ZDHHC20: variants seen among roughly 807,000 people sequenced by gnomAD.
ZDHHC20 encodes zDHHC palmitoyltransferase 20, also known as palmitoyltransferase ZDHHC20.
Under a neutral mutation model 57.8 loss-of-function variants are expected in ZDHHC20, and 43 were observed. That is an observed-to-expected ratio of 0.74 (90% CI 0.58 to 0.96). The LOEUF is 0.96. Ranked by LOEUF, ZDHHC20 falls within the 40% of genes least tolerant of loss-of-function variation. The probability of loss-of-function intolerance (pLI) is 0.00; values close to 1 mark genes in which losing one functional copy is unlikely to be tolerated. For synonymous variants in ZDHHC20, 157 were observed against 153.0 expected (o/e 1.03, Z -0.19); for missense variants, 391 against 441.1 (o/e 0.89, Z 1.02).
intron 4 of ZDHHC20, among the ~76,000 whole-genome samples, chr13:21,406,151 A>C (rs1228543966): frequency 2.0e-5 from 3 of 152,208 alleles, no homozygotes; most frequent in Admixed American, 2.0e-4. Flanking sequence ...CTGCTGCCAT[A>C]TATCAAATAC....
At chr13:21,387,407 A>G (rs1874740317) in intron 9 of ZDHHC20, 101 bp downstream of exon 9, 1 of 897,470 alleles carries the variant, frequency 1.1e-6, no homozygotes, top group Non-Finnish European at 1.5e-6. Flanking sequence ...GTCTGTGAGA[A>G]TATCATTATA....
intron 1 of ZDHHC20, among the ~76,000 whole-genome samples, chr13:21,443,622 C>A (rs147103985): frequency 2.0e-5 from 3 of 152,192 alleles, no homozygotes; most frequent in African/African-American, 7.2e-5. Flanking sequence ...ACTAAGTCAA[C>A]TTCTCAAGTT....
chr13:21,435,807 T>A (rs1227679314), intron 1 of ZDHHC20, among the ~76,000 whole-genome samples: 4 of 152,146 alleles, frequency 2.6e-5, no homozygotes, highest in African/African-American at 9.7e-5. Flanking sequence ...TGTCTCCCAA[T>A]AAGAAATGAC....
chr13:21,447,564 G>A (rs1398170674), intron 1 of ZDHHC20, among the ~76,000 whole-genome samples: 1 of 146,810 alleles, frequency 6.8e-6, no homozygotes, highest in Non-Finnish European at 1.5e-5. Flanking sequence ...GATTGCAGAG[G>A]GAGTCTCGTT....
At chr13:21,396,260 G>GAATAATAACAAAACCTACATTGTAAT (rs1230984210) in intron 7 of ZDHHC20, among the ~76,000 whole-genome samples, 1 of 152,104 alleles carries the variant, frequency 6.6e-6, no homozygotes, top group Non-Finnish European at 1.5e-5. Context: ...CACCATACCT[G>GAATAATAACAAAACCTACATTGTAAT]AATAATAACA....
chr13:21,428,732 C>CAT, intron 1 of ZDHHC20, among the ~76,000 whole-genome samples: 1 of 151,564 alleles, frequency 6.6e-6, no homozygotes, highest in East Asian at 2.0e-4. Flanking sequence ...TGGTGGCGTG[C>CAT]GCCTGTAGTC....
intron 1 of ZDHHC20, among the ~76,000 whole-genome samples, chr13:21,442,925 CTGTTTTAATTAT>C (rs1883327531): frequency 6.6e-6 from 1 of 152,110 alleles, no homozygotes; most frequent in Admixed American, 6.6e-5. Context: ...TACATGGATG[CTGTTTTAATTAT>C]TGTTCATGCT....
At chr13:21,391,645 C>A in intron 8 of ZDHHC20, 77 bp downstream of exon 8, 2 of 1,458,258 alleles carry the variant, frequency 1.4e-6, no homozygotes, top group Admixed American at 2.2e-5. Context: ...TATCATCTGA[C>A]CCTTGTTCTT....
chr13:21,393,908 A>AAAAC (rs899944570), intron 7 of ZDHHC20, among the ~76,000 whole-genome samples: 2 of 152,094 alleles, frequency 1.3e-5, no homozygotes, highest in Non-Finnish European at 2.9e-5. Context: ...GCCAATATTG[A>AAAAC]AAACAAACAA....
chr13:21,453,321 A>G (rs1357601890), intron 1 of ZDHHC20, among the ~76,000 whole-genome samples: 1 of 152,228 alleles, frequency 6.6e-6, no homozygotes, highest in Non-Finnish European at 1.5e-5. Context: ...TACGAGGCAA[A>G]AACTGATAGA....
At chr13:21,395,215 A>G (rs1414177240) in intron 7 of ZDHHC20, among the ~76,000 whole-genome samples, 1 of 150,842 alleles carries the variant, frequency 6.6e-6, no homozygotes, top group African/African-American at 2.4e-5. Context: ...TACAGGCGCC[A>G]GCTACCAGGC....
At chr13:21,391,288 A>G (rs925947177) in intron 8 of ZDHHC20, among the ~76,000 whole-genome samples, 4 of 152,146 alleles carry the variant, frequency 2.6e-5, no homozygotes, top group African/African-American at 9.7e-5. Context: ...AATTTTTGAA[A>G]CGACACTGTA....
intron 1 of ZDHHC20, among the ~76,000 whole-genome samples, chr13:21,435,357 T>C (rs532766716): frequency 6.6e-6 from 1 of 152,176 alleles, no homozygotes; most frequent in South Asian, 2.1e-4. Context: ...TATTCATTCT[T>C]GGTCCCTGTT....
chr13:21,426,655 G>A (rs545514371), intron 1 of ZDHHC20, among the ~76,000 whole-genome samples: 22 of 146,160 alleles, frequency 1.5e-4, no homozygotes, highest in Non-Finnish European at 4.5e-5. Flanking sequence ...GCCCAGCCTG[G>A]AGTGCAGTGG....
At chr13:21,447,166 TAA>T (rs921195264) in intron 1 of ZDHHC20, among the ~76,000 whole-genome samples, 24 of 151,264 alleles carry the variant, frequency 1.6e-4, no homozygotes, top group African/African-American at 5.8e-4. Context: ...CCCTAAAACT[TAA>T]GTTACTTTAA....
chr13:21,380,999 T>A (rs558334496), intron 11 of ZDHHC20, among the ~76,000 whole-genome samples: 1 of 151,478 alleles, frequency 6.6e-6, no homozygotes, highest in South Asian at 2.1e-4. Flanking sequence ...TATTTATTTA[T>A]TTATTTTTTA....
chr13:21,389,305 A>C (rs1205389513), intron 8 of ZDHHC20, among the ~76,000 whole-genome samples: 2 of 152,196 alleles, frequency 1.3e-5, no homozygotes, highest in African/African-American at 4.8e-5. Context: ...GTGGGAGATG[A>C]AGCTGTTAGA....
chr13:21,432,449 C>T (rs904623325), intron 1 of ZDHHC20, among the ~76,000 whole-genome samples: 3 of 152,134 alleles, frequency 2.0e-5, no homozygotes, highest in African/African-American at 7.2e-5. Flanking sequence ...CCTGCCTCAG[C>T]CTCCTGAGTA....
At chr13:21,418,742 C>T (rs1467057247) in intron 3 of ZDHHC20, among the ~76,000 whole-genome samples, 3 of 152,160 alleles carry the variant, frequency 2.0e-5, no homozygotes, top group East Asian at 1.9e-4. Context: ...GGCATGATCA[C>T]GGCTCACTGC....
Sources: allele counts gnomAD v4.1 joint callset (sites outside exome capture counted in the v4.1 genomes callset), GRCh38; gene constraint gnomAD v4.1.1; transcripts MANE v1.5; gene names NCBI Gene and HGNC (gene_info 2026-07-23, HGNC 2026-07-21).